Variants in DOCK10 observed in about 807,000 individuals in gnomAD.
DOCK10 encodes dedicator of cytokinesis protein 10.
A neutral mutation model predicts 280.1 loss-of-function variants in DOCK10; 145 were observed. That is an observed-to-expected ratio of 0.52 (90% CI 0.45 to 0.59). The LOEUF is 0.59. DOCK10 is among the 20% of genes least tolerant of loss of function. The probability of loss-of-function intolerance (pLI) is 0.00; values close to 1 mark genes in which losing one functional copy is unlikely to be tolerated. For synonymous variants in DOCK10, 915 were observed against 942.2 expected, an observed-to-expected ratio of 0.97 and a Z score of 0.53; for missense variants, 2,368 against 2,651.7, an observed-to-expected ratio of 0.89 and a Z score of 2.35.
chr2:225,024,569 A>T (rs976154974), intron 1 of DOCK10, among the ~76,000 whole-genome samples: 4 of 152,308 alleles, frequency 2.6e-5, no homozygotes, highest in African/African-American at 9.6e-5. Context: ...CAAAATAAGA[A>T]AAGAAAATCA....
At chr2:224,919,743 C>T (rs940798737) in intron 2 of DOCK10, among the ~76,000 whole-genome samples, 18 of 151,870 alleles carry the variant, frequency 1.2e-4, no homozygotes, top group African/African-American at 4.4e-4. Context: ...TCGGGAAGCA[C>T]GGGGTTTGTA....
intron 29 of DOCK10, among the ~76,000 whole-genome samples, chr2:224,818,205 C>T (rs1210848262): frequency 6.6e-6 from 1 of 152,136 alleles, no homozygotes; most frequent in Non-Finnish European, 1.5e-5. Flanking sequence ...ACCATATATA[C>T]AATGGTGGTT....
At chr2:224,834,734 A>G (rs1015264086) in intron 25 of DOCK10, among the ~76,000 whole-genome samples, 3 of 152,200 alleles carry the variant, frequency 2.0e-5, no homozygotes, top group Non-Finnish European at 2.9e-5. Flanking sequence ...GCTTAGACAC[A>G]CTATCAAGGC....
intron 19 of DOCK10, 143 bp downstream of exon 19, chr2:224,849,364 A>G (rs1223920956): frequency 2.4e-5 from 12 of 506,552 alleles, no homozygotes; most frequent in Non-Finnish European, 4.2e-5. Context: ...AATATAGTTT[A>G]GAAATATTGG....
chr2:224,888,194 G>C (rs1699420414), intron 4 of DOCK10, among the ~76,000 whole-genome samples: 2 of 151,676 alleles, frequency 1.3e-5, no homozygotes, highest in African/African-American at 2.4e-5. Flanking sequence ...TGGATAAAGA[G>C]AATGTTTAAT....
At chr2:224,962,599 G>A (rs548287895) in intron 1 of DOCK10, among the ~76,000 whole-genome samples, 15 of 152,232 alleles carry the variant, frequency 9.9e-5, no homozygotes, top group South Asian at 2.1e-4. Context: ...ACCACATTCC[G>A]CTTGTACTGT....
chr2:225,037,800 C>T (rs1690301958), intron 1 of DOCK10, among the ~76,000 whole-genome samples: 2 of 152,212 alleles, frequency 1.3e-5, no homozygotes, highest in African/African-American at 2.4e-5. Context: ...AAAACCTATA[C>T]ATGTTGACTC....
At chr2:224,955,137 T>A (rs1703966629) in intron 1 of DOCK10, among the ~76,000 whole-genome samples, 1 of 152,174 alleles carries the variant, frequency 6.6e-6, no homozygotes, top group Admixed American at 6.5e-5. Flanking sequence ...AAAATTGCCC[T>A]CCTGTAGCCA....
chr2:224,866,587 T>C (rs978110279), intron 11 of DOCK10, among the ~76,000 whole-genome samples: 1 of 152,210 alleles, frequency 6.6e-6, no homozygotes, highest in East Asian at 1.9e-4. Context: ...ATAACTTCCA[T>C]TGCAGTCAAC....
rs1338290867 is a variant in DOCK10 at position 224,970,232 on chromosome 2, C to G, written c.124-38564G>C. On this transcript the variant is annotated intron_variant, in intron 1 of 55. Transcript: ENST00000258390. This position sits in a 1 kb window ranked among gnomAD's most constrained non-coding sequence, Gnocchi z 4.6. ...AAATTTCTATGATGCAGGTGGGCAG[C>G]AGGTATTTTCCTCATTTTACAGATT... Among the ~76,000 whole-genome samples, 1 of 152,156 alleles carries G rather than the reference C, an allele frequency of 6.6e-6. No homozygotes were observed. The highest frequency in any genetic ancestry group is 1.5e-5 in the Non-Finnish European group (1 of 68,020).
intron 18 of DOCK10, among the ~76,000 whole-genome samples, chr2:224,851,683 A>G (rs1412920460): frequency 1.3e-5 from 2 of 152,020 alleles, no homozygotes; most frequent in Non-Finnish European, 1.5e-5. Flanking sequence ...GAAGCTGGTA[A>G]GATTGGCAGC....
intron 1 of DOCK10, among the ~76,000 whole-genome samples, chr2:224,942,112 T>C (rs1177142174): frequency 1.3e-5 from 2 of 152,204 alleles, no homozygotes; most frequent in Non-Finnish European, 2.9e-5. Flanking sequence ...TTGGCTCACT[T>C]CTGGTTTAAC....
chr2:224,940,099 C>T (rs945768091), intron 1 of DOCK10, among the ~76,000 whole-genome samples: 1 of 152,186 alleles, frequency 6.6e-6, no homozygotes, highest in Non-Finnish European at 1.5e-5. Context: ...ACCCATTCAA[C>T]GCTTTCCTGC....
In DOCK10 at chr2:225,009,428, T is replaced by C. The variant is rs561058343; in HGVS notation, c.123+32824A>G. Among the ~76,000 whole-genome samples the C allele has an allele frequency of 7.9e-5, 12 of 152,218 alleles. No homozygotes were observed. The East Asian group carries it at 2.3e-3, about 29-fold the overall frequency. On this transcript the variant is annotated intron_variant, in intron 1 of 55. Coordinates refer to ENST00000258390, the MANE Select transcript of DOCK10 (RefSeq NM_014689.3). ...GACTTCAAAAAAGAAGACCATAATA[T>C]CCACTATGTCCACTTATTAGCTTCA...
At chr2:224,978,850 T>C (rs1705593620) in intron 1 of DOCK10, among the ~76,000 whole-genome samples, 1 of 152,234 alleles carries the variant, frequency 6.6e-6, no homozygotes, top group South Asian at 2.1e-4. Context: ...TGAGCTTAGA[T>C]TCTGTCTCCA....
intron 1 of DOCK10, among the ~76,000 whole-genome samples, chr2:225,008,038 CA>C (rs1231802703): frequency 5.9e-5 from 9 of 151,880 alleles, no homozygotes; most frequent in Non-Finnish European, 1.3e-4. Flanking sequence ...AAATGTCACC[CA>C]AAGGAGTAGA....
At chr2:224,791,960 G>C (rs980970950) in intron 47 of DOCK10, among the ~76,000 whole-genome samples, 1 of 152,170 alleles carries the variant, frequency 6.6e-6, no homozygotes, top group Non-Finnish European at 1.5e-5. Flanking sequence ...TTTGTACACG[G>C]AGTTTTCCAC....
chr2:224,973,643 C>T (rs927609044), intron 1 of DOCK10, among the ~76,000 whole-genome samples: 1 of 152,064 alleles, frequency 6.6e-6, no homozygotes, highest in Non-Finnish European at 1.5e-5. Flanking sequence ...AAATGTAATA[C>T]ACGTGTTTTA....
At chr2:225,012,709 C>T (rs912954308) in intron 1 of DOCK10, among the ~76,000 whole-genome samples, 5 of 152,116 alleles carry the variant, frequency 3.3e-5, no homozygotes, top group Non-Finnish European at 4.4e-5. Flanking sequence ...TAATGGTTAA[C>T]AATTATGTTG....
Sources: allele counts gnomAD v4.1 joint callset (sites outside exome capture counted in the v4.1 genomes callset), GRCh38; gene constraint gnomAD v4.1.1; non-coding constraint Gnocchi (gnomAD v3.1); transcripts MANE v1.5; gene names NCBI Gene and HGNC (gene_info 2026-07-23, HGNC 2026-07-21).